RNF10: variants seen among roughly 807,000 people sequenced by gnomAD.
RNF10 encodes ring finger protein 10.
A neutral mutation model predicts 91.4 loss-of-function variants in RNF10; 38 were observed. The ratio of observed to expected loss-of-function variants is 0.42; its 90% CI spans 0.32 to 0.54. The LOEUF (loss-of-function observed/expected upper bound fraction) is 0.54, where lower values mean the gene tolerates loss of function less well. Ranked by LOEUF, RNF10 falls within the 20% of genes least tolerant of loss-of-function variation. RNF10 has a pLI of 0.16. For synonymous variants in RNF10, 364 were observed against 366.3 expected (o/e 0.99, Z 0.07); for missense variants, 945 against 1,012.0 (o/e 0.93, Z 0.90).
chr12:120,556,371 A>G lies in RNF10; in HGVS notation c.646-911A>G, dbSNP rs564178717. On this transcript the variant is annotated intron_variant, in intron 4 of 16. Coordinates refer to ENST00000325954, the MANE Select transcript of RNF10 (RefSeq NM_014868.5). ...AACACGGTGAAACCCCGTCTCTACTAAAAAAAAAAATTAGCCCGGCGCAGT... is the reference window on the plus strand; with the variant it reads ...AACACGGTGAAACCCCGTCTCTACTGAAAAAAAAAATTAGCCCGGCGCAGT... Among the ~76,000 whole-genome samples, 971 of 143,620 alleles carry G rather than the reference A, an allele frequency of 6.8e-3. 27 individuals carry two copies. The highest frequency in any genetic ancestry group is 5.5e-3 in the Non-Finnish European group (360 of 64,872). 94.2% of individuals were successfully genotyped at this position (143,620 alleles called of 152,430 possible).
Position 120,547,881 on chromosome 12 carries a change from C to T in RNF10, c.354+1280C>T, listed in dbSNP as rs548018614. Reference sequence around the variant, plus strand: ...AAGGGGAAGAGTGGAAGCAGGAAGACTAAGAGACTACAAAGATATTCTTGG... The same window carrying T: ...AAGGGGAAGAGTGGAAGCAGGAAGATTAAGAGACTACAAAGATATTCTTGG... On this transcript the variant is annotated intron_variant, in intron 2 of 16. Coordinates refer to ENST00000325954, the MANE Select transcript of RNF10 (RefSeq NM_014868.5). Among the ~76,000 whole-genome samples, 9 of 152,102 alleles carry T rather than the reference C, an allele frequency of 5.9e-5. No individual in the cohort carries two copies. In the East Asian group the frequency reaches 1.5e-3, roughly 26 times the overall value.
At chr12:120,541,437 C>CTTTT (rs3049456) in intron 1 of RNF10, among the ~76,000 whole-genome samples, 3 of 140,580 alleles carry the variant, frequency 2.1e-5, no homozygotes, top group Non-Finnish European at 4.6e-5. Context: ...CTGAGTTTTC[C>CTTTT]TTTTTTTTTT....
intron 1 of RNF10, chr12:120,535,474 A>G (rs1262495196): frequency 6.6e-6 from 1 of 152,196 alleles, no homozygotes; most frequent in African/African-American, 2.4e-5. Flanking sequence ...TTCAGTGGCT[A>G]TTCATTGTGG....
intron 14 of RNF10, 125 bp downstream of exon 14, chr12:120,571,416 C>T (rs1044583238): frequency 1.4e-6 from 1 of 723,000 alleles, no homozygotes; most frequent in Non-Finnish European, 2.4e-6. Context: ...ATTGAGTCAT[C>T]TGATGGGTAG....
At chr12:120,572,581 A>G (rs1184286689) in intron 14 of RNF10, among the ~76,000 whole-genome samples, 1 of 151,802 alleles carries the variant, frequency 6.6e-6, no homozygotes, top group Non-Finnish European at 1.5e-5. Flanking sequence ...AGTTATGCCA[A>G]ATACTTGTTT....
rs1264252588 is a variant in RNF10 at position 120,567,985 on chromosome 12, C to T, written c.2041+1005C>T. 4.0e-5 allele frequency among the ~76,000 whole-genome samples: 6 copies of T among 151,424 alleles called. No individual in the cohort carries two copies. The East Asian group carries it at 5.8e-4, about 15-fold the overall frequency. On this transcript the variant is annotated intron_variant, in intron 13 of 16. Coordinates refer to ENST00000325954, the MANE Select transcript of RNF10 (RefSeq NM_014868.5). ...ATAGAAAAGAATTGAAGGCCAGGCA[C>T]GGTGGCTCACACCTGTAATCTCAGC...
chr12:120,548,272 CTGT>C (rs1397771021), intron 2 of RNF10, among the ~76,000 whole-genome samples: 2 of 152,148 alleles, frequency 1.3e-5, no homozygotes, highest in African/African-American at 4.8e-5. Flanking sequence ...GGTTAGAGAG[CTGT>C]CAGCATACAG....
chr12:120,576,217 A>G (rs542237744), intron 16 of RNF10, among the ~76,000 whole-genome samples: 27 of 152,348 alleles, frequency 1.8e-4, no homozygotes, highest in Admixed American at 1.3e-3. Flanking sequence ...ATCCTTTAGA[A>G]TCTTGAGTTG....
chr12:120,567,863 G>A (rs987220988), intron 13 of RNF10, among the ~76,000 whole-genome samples: 2 of 150,932 alleles, frequency 1.3e-5, no homozygotes, highest in African/African-American at 4.9e-5. Flanking sequence ...CATTATGGGT[G>A]TGTGTGTGTG....
At chr12:120,576,263 C>T (rs530932160) in intron 16 of RNF10, among the ~76,000 whole-genome samples, 2 of 152,294 alleles carry the variant, frequency 1.3e-5, no homozygotes, top group African/African-American at 2.4e-5. Context: ...AAGTCAGTCT[C>T]GAAGCCTGTT....
At position 120,554,786 on chromosome 12, in the gene RNF10, A is replaced by C; in HGVS notation, c.623A>C (p.Asn208Thr). The change falls in exon 4 of 17, where the codon AAC (asparagine) becomes ACC (threonine). Residue 208 changes from asparagine to threonine, a missense_variant. Physicochemically the swap from Asn to Thr is moderately conservative, Grantham distance 65. Coordinates refer to ENST00000325954, the MANE Select transcript of RNF10 (RefSeq NM_014868.5). ...AHFADPDTLV[N>T]WDFVEQVRIC... Reference sequence around the variant, plus strand: ...TTTGCTGATCCTGATACATTAGTTAACTGGGACTTTGTGGAACAAGTGGTG... The same window carrying C: ...TTTGCTGATCCTGATACATTAGTTACCTGGGACTTTGTGGAACAAGTGGTG... The C allele has an allele frequency of 6.2e-7, 1 of 1,614,046 alleles. No homozygotes were observed. Among genetic ancestry groups the C allele is most frequent in the Non-Finnish European group, 8.5e-7 (1 of 1,179,904 alleles).
rs200377129 is a variant in RNF10, at chr12:120,566,913, C to T, written c.1974C>T (p.Pro658=). The T allele has an allele frequency of 4.8e-5, 77 of 1,613,984 alleles. No homozygotes were observed. In the East Asian group the frequency reaches 1.7e-3, roughly 36 times the overall value. The change falls in exon 13 of 17, where the codon CCC becomes CCT. Residue 658 remains proline, a synonymous_variant. Transcript: ENST00000325954. ...GCTCCTCTGATTCTGCTTTGGGTCC[C>T]ACCAGCACCGAGGGCCATGGGGCCC... ...YTCSSDSALG[P]TSTEGHGALS... is the part of the protein sequence containing the mutation.
chr12:120,575,761 T>C, intron 15 of RNF10, 31 bp from the exon 16 acceptor site: 1 of 1,614,048 alleles, frequency 6.2e-7, no homozygotes, highest in Non-Finnish European at 8.5e-7. Context: ...AAAAGAGTTG[T>C]TTCTATAGTT....
intron 7 of RNF10, 70 bp from the exon 8 acceptor site, chr12:120,562,874 GC>G: frequency 6.3e-7 from 1 of 1,599,964 alleles, no homozygotes; most frequent in Non-Finnish European, 8.6e-7. Context: ...GCCATTCTAA[GC>G]CCTTGCCCTT....
At chr12:120,535,672 A>T (rs1870666063) in intron 1 of RNF10, 9 of 152,184 alleles carry the variant, frequency 5.9e-5, no homozygotes, top group Admixed American at 5.2e-4. Flanking sequence ...TTTTGCGCCA[A>T]ATACACATAA....
Position 120,562,986 on chromosome 12 carries a change from G to A in RNF10, c.1170G>A (p.Arg390=), listed in dbSNP as rs1875122577. Reference sequence around the variant, plus strand: ...TGTCGGGATTGGCCGGAAGCAGAAGGGAGGTCACTGGTGTTGTGGCTGCTC... The same window carrying A: ...TGTCGGGATTGGCCGGAAGCAGAAGAGAGGTCACTGGTGTTGTGGCTGCTC... ...EALSGLAGSR[R]EVTGVVAALE... Residue 390 remains arginine (R), a synonymous_variant, in exon 8 of 17, where the codon AGG becomes AGA. Coordinates refer to ENST00000325954, the MANE Select transcript of RNF10 (RefSeq NM_014868.5). 1.2e-6 allele frequency: 2 copies of A among 1,614,030 alleles called. No individual in the cohort carries two copies. The highest frequency in any genetic ancestry group is 1.7e-6 in the Non-Finnish European group (2 of 1,180,020).
chr12:120,552,673 A>G lies in RNF10; in HGVS notation c.529A>G (p.Asn177Asp). The G allele has an allele frequency of 6.2e-7, 1 of 1,614,078 alleles. No individual in the cohort carries two copies. Among genetic ancestry groups the G allele is most frequent in the Non-Finnish European group, 8.5e-7 (1 of 1,180,000 alleles). ...KRNKWGHKPF[N>D]KELFLQANCQ... is the part of the protein sequence containing the mutation. The stretch of plus-strand genomic sequence containing the variant: ...GAACAAGTGGGGACATAAGCCTTTT[A>G]ACAAGGAACTCTTTTTACAGGCCAA... The change falls in exon 3 of 17, where the codon AAC (asparagine) becomes GAC (aspartate). Residue 177 changes from asparagine (N) to aspartate (D), a missense_variant. Coordinates refer to ENST00000325954, the MANE Select transcript of RNF10 (RefSeq NM_014868.5).
At position 120,573,915 on chromosome 12, in the gene RNF10, C is replaced by T. The variant is rs572277032; in HGVS notation, c.2143-1716C>T. ...GGGTTGTCAAACACACATGTACTGCCATTCCCACTGGGATCCAGTGGCAGA... is the reference window on the plus strand; with the variant it reads ...GGGTTGTCAAACACACATGTACTGCTATTCCCACTGGGATCCAGTGGCAGA... On this transcript the variant is annotated intron_variant, in intron 14 of 16. Transcript: ENST00000325954. Among the ~76,000 whole-genome samples the T allele has an allele frequency of 1.8e-4, 27 of 152,306 alleles. 1 individual carries two copies. In the South Asian group the frequency reaches 4.1e-3, roughly 23 times the overall value.
intron 13 of RNF10, among the ~76,000 whole-genome samples, chr12:120,567,717 A>T (rs1875972150): frequency 6.8e-6 from 1 of 146,636 alleles, no homozygotes; most frequent in Non-Finnish European, 1.5e-5. Context: ...AAAAAAAAAA[A>T]ATCACACCTG....
Sources: allele counts gnomAD v4.1 joint callset (sites outside exome capture counted in the v4.1 genomes callset), GRCh38; gene constraint gnomAD v4.1.1; transcripts MANE v1.5; gene names NCBI Gene and HGNC (gene_info 2026-07-23, HGNC 2026-07-21).